Variants in TEX9 observed in about 807,000 individuals in gnomAD.
TEX9 encodes the protein testis-expressed protein 9.
Under a neutral mutation model 59.6 loss-of-function variants are expected in TEX9, and 74 were observed. That is an observed-to-expected ratio of 1.24 (90% CI 1.03 to 1.51). TEX9 has a LOEUF of 1.51. Ranked by LOEUF, TEX9 falls within the 40% of genes most tolerant of loss-of-function variation. The pLI, the probability that TEX9 is intolerant of heterozygous loss-of-function variation, is 0.00. For missense variants in TEX9, 522 were observed against 447.8 expected, an observed-to-expected ratio of 1.17 and a Z score of -1.49; for synonymous variants, 186 against 152.2, an observed-to-expected ratio of 1.22 and a Z score of -1.64.
At chr15:56,290,544 G>A (rs1467316205) in intron 1 of TEX9, among the ~76,000 whole-genome samples, 3 of 151,902 alleles carry the variant, frequency 2.0e-5, no homozygotes, top group South Asian at 2.1e-4. Context: ...GACCTTCTAC[G>A]GTCCTCAAAC....
At chr15:56,287,560 A>G (rs961892333) in intron 1 of TEX9, among the ~76,000 whole-genome samples, 2 of 152,156 alleles carry the variant, frequency 1.3e-5, no homozygotes, top group Admixed American at 1.3e-4. Flanking sequence ...TATACTTAGC[A>G]ATTTTCAAAT....
chr15:56,317,538 T>C (rs1414227796), intron 1 of TEX9, among the ~76,000 whole-genome samples: 1 of 152,198 alleles, frequency 6.6e-6, no homozygotes, highest in South Asian at 2.1e-4. Context: ...GTATTTCTAC[T>C]CTAATCTTTA....
chr15:56,413,136 G>C (rs2049447678), intron 10 of TEX9, among the ~76,000 whole-genome samples: 1 of 83,006 alleles, frequency 1.2e-5, no homozygotes, highest in Admixed American at 1.3e-4. Context: ...GTATTGACCT[G>C]AAAGGGTAAT....
chr15:56,372,073 T>G (rs2047215295), intron 2 of TEX9, among the ~76,000 whole-genome samples: 1 of 152,220 alleles, frequency 6.6e-6, no homozygotes, highest in Non-Finnish European at 1.5e-5. Flanking sequence ...CCATTACATT[T>G]TATCTGGCAT....
intron 1 of TEX9, among the ~76,000 whole-genome samples, chr15:56,331,677 C>T (rs1488143314): frequency 1.3e-5 from 2 of 151,882 alleles, no homozygotes; most frequent in Non-Finnish European, 2.9e-5. Context: ...AATTTTATAG[C>T]CATAAGCACC....
chr15:56,259,807 A>G (rs1227352472), intron 1 of TEX9, among the ~76,000 whole-genome samples: 1 of 152,100 alleles, frequency 6.6e-6, no homozygotes, highest in Non-Finnish European at 1.5e-5. Flanking sequence ...CATTGAATCA[A>G]TAAAATAACT....
chr15:56,362,377 T>C (rs571728217), upstream of TEX9, among the ~76,000 whole-genome samples: 13 of 152,228 alleles, frequency 8.5e-5, no homozygotes, highest in Non-Finnish European at 1.9e-4. Flanking sequence ...CCTTGGAGAA[T>C]TGACCTCTAT....
intron 1 of TEX9, among the ~76,000 whole-genome samples, chr15:56,350,201 TG>T (rs1356301367): frequency 6.6e-6 from 1 of 152,238 alleles, no homozygotes; most frequent in Non-Finnish European, 1.5e-5. Context: ...CTAAATATTT[TG>T]TTGCTAAATA....
At chr15:56,258,927 T>C (rs2141335107) in intron 1 of TEX9, among the ~76,000 whole-genome samples, 1 of 149,722 alleles carries the variant, frequency 6.7e-6, no homozygotes, top group South Asian at 2.1e-4. Context: ...TATAAACACC[T>C]ATATGTATAT....
At chr15:56,404,414 C>G (rs1289630043) in intron 9 of TEX9, among the ~76,000 whole-genome samples, 1 of 152,146 alleles carries the variant, frequency 6.6e-6, no homozygotes, top group Non-Finnish European at 1.5e-5. Flanking sequence ...TAGAGGAATG[C>G]AAATCAAAAC....
chr15:56,388,266 A>G (rs1448482272), intron 4 of TEX9, among the ~76,000 whole-genome samples: 1 of 152,058 alleles, frequency 6.6e-6, no homozygotes, highest in Non-Finnish European at 1.5e-5. Flanking sequence ...ATTATAGTGT[A>G]TCTTCTCAAA....
At chr15:56,442,039 AAAAT>A (rs1338042990) in intron 12 of TEX9, among the ~76,000 whole-genome samples, 3 of 151,872 alleles carry the variant, frequency 2.0e-5, no homozygotes, top group African/African-American at 7.3e-5. Flanking sequence ...ATAATAAAAT[AAAAT>A]AAATAAATAA....
chr15:56,413,669 T>G (rs2049521948), intron 10 of TEX9, among the ~76,000 whole-genome samples: 1 of 151,798 alleles, frequency 6.6e-6, no homozygotes, highest in Admixed American at 6.6e-5. Context: ...TTTAACTGGC[T>G]TATTTCACTT....
intron 12 of TEX9, chr15:56,429,035 CAA>C: frequency 9.5e-7 from 1 of 1,049,200 alleles, no homozygotes; most frequent in Non-Finnish European, 1.4e-6. Context: ...AACTGTAAAA[CAA>C]AAGTTATGCT....
chr15:56,313,729 A>G (rs202062908), intron 1 of TEX9, among the ~76,000 whole-genome samples: 10,103 of 140,400 alleles, frequency 0.072, 778 homozygotes, highest in East Asian at 0.35. Context: ...GAATGGTACC[A>G]GTTCCTCCTT....
At chr15:56,300,803 T>C (rs2725844) in intron 1 of TEX9, among the ~76,000 whole-genome samples, 147,813 of 152,014 alleles carry the variant, frequency 0.97, 72,010 homozygotes, top group East Asian at 1. Flanking sequence ...GGCCCTAATG[T>C]AGATATAGCT....
chr15:56,274,520 C>T (rs2044624055), intron 1 of TEX9: 2 of 152,036 alleles, frequency 1.3e-5, no homozygotes, highest in Admixed American at 6.6e-5. Flanking sequence ...TTATATGTCT[C>T]TTTCTCTCTT....
intron 1 of TEX9, among the ~76,000 whole-genome samples, chr15:56,295,041 A>G (rs1036633754): frequency 5.3e-5 from 8 of 152,210 alleles, no homozygotes; most frequent in East Asian, 1.9e-4. Context: ...ATATATATAA[A>G]TATACTTTTT....
intron 1 of TEX9, among the ~76,000 whole-genome samples, chr15:56,249,781 A>G (rs2043970930): frequency 6.6e-6 from 1 of 151,066 alleles, no homozygotes; most frequent in Non-Finnish European, 1.5e-5. Flanking sequence ...GGAAAGAAGA[A>G]GCATCTATGG....
Sources: allele counts gnomAD v4.1 joint callset (sites outside exome capture counted in the v4.1 genomes callset), GRCh38; gene constraint gnomAD v4.1.1; transcripts MANE v1.5; gene names NCBI Gene and HGNC (gene_info 2026-07-23, HGNC 2026-07-21).